The following HK1 variants were observed in gnomAD, a reference collection of about 807,000 sequenced individuals.
The protein encoded by HK1 is hexokinase-1.
HK1 carries 28 observed loss-of-function variants against 91.6 expected under a neutral mutation model. That is an observed-to-expected ratio of 0.31 (90% CI 0.23 to 0.42). HK1 has a LOEUF of 0.42. Among genes scored for constraint, HK1 ranks in the 10% least tolerant of loss-of-function variants. The pLI is 1.00. For synonymous variants in HK1, 430 were observed against 468.1 expected (o/e 0.92, Z 1.05); for missense variants, 770 against 1,219.8 (o/e 0.63, Z 5.49).
In HK1 at chr10:69,369,537, C is replaced by T. The variant is rs1433867007; in HGVS notation, c.788C>T (p.Ala263Val). The T allele has an allele frequency of 2.5e-6, 4 of 1,614,118 alleles. No homozygotes were observed. Among genetic ancestry groups the T allele is most frequent in the Non-Finnish European group, 3.4e-6 (4 of 1,180,016 alleles). ...ATGTGTATCAATACAGAATGGGGAG[C>T]CTTTGGAGACGATGGATCATTAGAA... ...GRMCINTEWG[A>V]FGDDGSLEDI... Residue 263 changes from alanine (A) to valine (V), a missense_variant, in exon 7 of 18, where the codon GCC becomes GTC. By Grantham distance (64) the Ala-to-Val change is moderately conservative. Around this residue, in one of 7 missense-constraint regions of HK1, gnomAD observed 449 missense variants for 665.1 expected, o/e 0.68. Coordinates refer to ENST00000359426, the MANE Select transcript of HK1 (RefSeq NM_000188.3). The surrounding 1 kb of genome is among the most constrained non-coding windows in gnomAD (Gnocchi z 4.4).
Position 69,395,065 on chromosome 10 carries a change from C to T in HK1, c.2335C>T (p.Arg779Trp), listed in dbSNP as rs1376263829. Residue 779 changes from arginine (R) to tryptophan (W), a missense_variant, in exon 16 of 18, where the codon CGG becomes TGG. Arg to Trp is a moderately radical substitution (Grantham distance 101). Coordinates refer to ENST00000359426, the MANE Select transcript of HK1 (RefSeq NM_000188.3). ...GCAGATCTCTGAGACGCTGAAGACC[C>T]GGGGCATCTTTGAGACCAAGTTTCT... ...RGQISETLKT[R>W]GIFETKFLSQ... is the part of the protein sequence containing the mutation. 6.2e-6 allele frequency: 10 copies of T among 1,613,860 alleles called. No individual in the cohort carries two copies. The highest frequency in any genetic ancestry group is 1.7e-5 in the Admixed American group (1 of 59,982).
chr10:69,351,430 ACC>A (rs1269686194), intron 2 of HK1, among the ~76,000 whole-genome samples: 3 of 151,552 alleles, frequency 2.0e-5, no homozygotes, highest in Non-Finnish European at 2.9e-5. Context: ...AATCGCTTGA[ACC>A]CCGGAGGCGG....
intron 2 of HK1, among the ~76,000 whole-genome samples, chr10:69,350,213 C>T (rs1393543989): frequency 1.3e-5 from 2 of 152,168 alleles, no homozygotes; most frequent in African/African-American, 4.8e-5. Flanking sequence ...TTGGGATGCC[C>T]CTGGATCCCA....
chr10:69,284,950 G>A (rs1033912601), intron 2 of HK1, among the ~76,000 whole-genome samples: 4 of 151,942 alleles, frequency 2.6e-5, no homozygotes, highest in Admixed American at 6.6e-5. Context: ...CTGAATAGCT[G>A]GGACTACAGG....
At position 69,384,501 on chromosome 10, in the gene HK1, G is replaced by A. The variant is rs1404537357; in HGVS notation, c.1719+20G>A. On this transcript the variant is annotated intron_variant, in intron 11 of 17. Coordinates refer to ENST00000359426, the MANE Select transcript of HK1 (RefSeq NM_000188.3). Reference sequence around the variant, plus strand: ...GAAGAGGTGAGATTACAAAACCATAGTGCATGTGCACTGCACACACGGCCA... The same window carrying A: ...GAAGAGGTGAGATTACAAAACCATAATGCATGTGCACTGCACACACGGCCA... 1 of 1,614,024 alleles carries A rather than the reference G, an allele frequency of 6.2e-7. No individual in the cohort carries two copies. The highest frequency in any genetic ancestry group is 1.3e-5 in the African/African-American group (1 of 74,918).
intron 2 of HK1, among the ~76,000 whole-genome samples, chr10:69,358,174 G>A (rs1849227294): frequency 6.6e-6 from 1 of 152,166 alleles, no homozygotes; most frequent in South Asian, 2.1e-4. Flanking sequence ...TAGATATTAG[G>A]ACAGTGGGGA....
At chr10:69,291,699 A>G (rs1049925042) in intron 3 of HK1, among the ~76,000 whole-genome samples, 2 of 152,160 alleles carry the variant, frequency 1.3e-5, no homozygotes, top group African/African-American at 2.4e-5. Context: ...CTAAGGATAG[A>G]TATATTTTGA....
chr10:69,401,411 A>C lies in HK1; in HGVS notation c.*276A>C, dbSNP rs1840384689. ...CCACGTGTGAAGTGTAGTGGCATCCATTTCTAATGTATGCATTCATCCAAC... is the reference window on the plus strand; with the variant it reads ...CCACGTGTGAAGTGTAGTGGCATCCCTTTCTAATGTATGCATTCATCCAAC... On this transcript the variant is annotated 3_prime_UTR_variant, in exon 18 of 18. Transcript: ENST00000359426. 1.8e-6 allele frequency: 1 copy of C among 543,706 alleles called. No homozygotes were observed. Among genetic ancestry groups the C allele is most frequent in the East Asian group, 3.2e-5 (1 of 30,996 alleles). The allele number at this position is 543,706 out of a possible 1,614,324, so 33.7% of individuals were successfully genotyped here. A position where few individuals can be genotyped will look rare whatever the true frequency, so the allele number is the denominator to read the frequency against.
chr10:69,398,674 G>C lies in HK1; in HGVS notation c.2455G>C (p.Val819Leu). ...LNSTCDDSIL[V>L]KTVCGVVSRR... is the part of the protein sequence containing the mutation. ...TAGCACCTGCGATGACAGTATCCTC[G>C]TCAAGACAGTGTGCGGGGTGGTGTC... The change falls in exon 17 of 18, where the codon GTC becomes CTC. Residue 819 changes from valine to leucine, a missense_variant. Val to Leu is a conservative substitution (Grantham distance 32). Around this residue, in one of 7 missense-constraint regions of HK1, gnomAD observed 78 missense variants for 99.0 expected, o/e 0.79. Coordinates refer to ENST00000359426, the MANE Select transcript of HK1 (RefSeq NM_000188.3). 5 of 1,614,170 alleles carry C rather than the reference G, an allele frequency of 3.1e-6. No homozygotes were observed. Among genetic ancestry groups the C allele is most frequent in the Non-Finnish European group, 4.2e-6 (5 of 1,180,032 alleles).
At chr10:69,296,713 C>T (rs1160084440) in intron 4 of HK1, among the ~76,000 whole-genome samples, 1 of 152,036 alleles carries the variant, frequency 6.6e-6, no homozygotes, top group Non-Finnish European at 1.5e-5. Context: ...GCAGCATGTG[C>T]CAAAACAGAG....
At chr10:69,327,752 G>A (rs1847466647) in intron 1 of HK1, among the ~76,000 whole-genome samples, 1 of 152,182 alleles carries the variant, frequency 6.6e-6, no homozygotes, top group African/African-American at 2.4e-5. Context: ...TTGCAAATTT[G>A]TAATAGATGA....
rs780552243 is a variant in HK1, at chr10:69,394,879, C to T, written c.2220-71C>T. ...GGGGCAGTAGGAGACGCGGAGTGAC[C>T]GTGAGACCGAGGGGTGACAGTTCTC... On this transcript the variant is annotated intron_variant, in intron 15 of 17. Coordinates refer to ENST00000359426, the MANE Select transcript of HK1 (RefSeq NM_000188.3). The T allele has an allele frequency of 1.4e-4, 207 of 1,502,270 alleles. 1 individual carries two copies. The highest frequency in any genetic ancestry group is 1.8e-4 in the Non-Finnish European group (193 of 1,080,244). The allele number at this position is 1,502,270 out of a possible 1,614,324, so 93.1% of individuals were successfully genotyped here.
At position 69,300,523 on chromosome 10, in the gene HK1, T is replaced by C. The variant is rs61377282; in HGVS notation, c.-66-246T>C. 6,221 of 733,178 alleles carry C rather than the reference T, an allele frequency of 8.5e-3. 348 individuals are homozygous for C. Among genetic ancestry groups the C allele is most frequent in the African/African-American group, 0.078 (4,420 of 56,508 alleles). 45.4% of individuals were successfully genotyped at this position (733,178 alleles called of 1,614,324 possible). ...AGCTGAGACTGTCAGTACAATGAAA[T>C]CAAACTGGCCAGATGGAAGCAGATT... On this transcript the variant is annotated intron_variant, in intron 4 of 21. Transcript: ENST00000360289.
At chr10:69,309,661 C>T (rs1302037668) in intron 5 of HK1, among the ~76,000 whole-genome samples, 8 of 151,094 alleles carry the variant, frequency 5.3e-5, no homozygotes, top group Non-Finnish European at 1.0e-4. Context: ...ATTAGCTGGG[C>T]GTGGTGGTGT....
chr10:69,364,964 C>G (rs1039770301), intron 4 of HK1, 62 bp downstream of exon 4: 3 of 1,593,994 alleles, frequency 1.9e-6, no homozygotes, highest in Middle Eastern at 1.7e-4. Flanking sequence ...GCTAACAAGC[C>G]CTTTTCTCCA....
intron 1 of HK1, 30 bp downstream of exon 1, chr10:69,319,040 C>T (rs760904922): frequency 1.3e-6 from 2 of 1,581,880 alleles, no homozygotes; most frequent in East Asian, 2.3e-5. Context: ...GCCGCTGGTC[C>T]TGGCCGCAGC....
intron 9 of HK1, among the ~76,000 whole-genome samples, chr10:69,381,407 T>C (rs1384136478): frequency 6.6e-6 from 1 of 152,254 alleles, no homozygotes; most frequent in African/African-American, 2.4e-5. Context: ...ATGAAACTTT[T>C]ATTAGCCATT....
At chr10:69,372,779 C>A (rs996851160) in intron 7 of HK1, among the ~76,000 whole-genome samples, 8 of 152,164 alleles carry the variant, frequency 5.3e-5, no homozygotes, top group Admixed American at 5.2e-4. Flanking sequence ...CATCCTCTCA[C>A]TAATGATTCA....
intron 4 of HK1, among the ~76,000 whole-genome samples, chr10:69,299,096 T>C (rs11818777): frequency 0.022 from 3,239 of 149,040 alleles, 196 homozygotes; most frequent in African/African-American, 0.075. Context: ...TGCGCCACCA[T>C]GCCCGACCTA....
Sources: gnomAD v4.1 joint callset for allele counts (sites outside exome capture counted in the v4.1 genomes callset) on GRCh38, gnomAD v4.1.1 for gene constraint, gnomAD v4.1.1 regional missense constraint, Gnocchi (gnomAD v3.1) non-coding constraint, MANE v1.5 for transcripts, NCBI Gene and HGNC (gene_info 2026-07-23, HGNC 2026-07-21) for gene names.